Variants in ZGRF1 observed in about 807,000 individuals in gnomAD.
ZGRF1 encodes the protein zinc finger GRF-type containing 1, also known as 5'-3' DNA helicase ZGRF1.
ZGRF1 carries 196 observed loss-of-function variants against 203.5 expected under a neutral mutation model. The ratio of observed to expected loss-of-function variants is 0.96; its 90% CI spans 0.86 to 1.08. The LOEUF is 1.08. Among genes scored for constraint, ZGRF1 ranks in the 50% least tolerant of loss-of-function variants. The pLI is 0.00. For synonymous variants in ZGRF1, 809 were observed against 841.3 expected (o/e 0.96, Z 0.66); for missense variants, 2,326 against 2,416.3 (o/e 0.96, Z 0.78).
At chr4:112,634,657 A>T (rs7656417) in intron 1 of ZGRF1, among the ~76,000 whole-genome samples, 59,439 of 151,412 alleles carry the variant, frequency 0.39, 11,854 homozygotes, top group South Asian at 0.49. Context: ...CTCAAAAAAA[A>T]AAAATAAAAG....
chr4:112,559,040 T>C (rs752131586), intron 19 of ZGRF1, among the ~76,000 whole-genome samples: 1 of 152,200 alleles, frequency 6.6e-6, no homozygotes, highest in Non-Finnish European at 1.5e-5. Flanking sequence ...AAAATAACTT[T>C]TCTATATAAC....
chr4:112,556,499 T>A (rs780037841), intron 20 of ZGRF1, among the ~76,000 whole-genome samples: 1 of 152,184 alleles, frequency 6.6e-6, no homozygotes, highest in Non-Finnish European at 1.5e-5. Flanking sequence ...CAGTGATTCT[T>A]GTGCCTCAGC....
chr4:112,549,474 C>T (rs1364186734), intron 22 of ZGRF1, among the ~76,000 whole-genome samples: 1 of 152,174 alleles, frequency 6.6e-6, no homozygotes, highest in African/African-American at 2.4e-5. Context: ...TCATGTGCCA[C>T]ATAACAATGT....
chr4:112,606,567 A>AG (rs1750804135), intron 8 of ZGRF1, among the ~76,000 whole-genome samples: 2 of 152,016 alleles, frequency 1.3e-5, no homozygotes, highest in Non-Finnish European at 1.5e-5. Context: ...AGGCTGAGGC[A>AG]GAATTGCTTG....
intron 11 of ZGRF1, 147 bp downstream of exon 11, chr4:112,589,577 A>G: frequency 1.5e-6 from 1 of 672,646 alleles, no homozygotes; most frequent in Non-Finnish European, 2.6e-6. Context: ...TGATAGAAAA[A>G]GTTCAAAGGA....
intron 16 of ZGRF1, among the ~76,000 whole-genome samples, chr4:112,571,613 G>C (rs535186938): frequency 2.9e-4 from 44 of 151,850 alleles, no homozygotes; most frequent in African/African-American, 9.9e-4. Flanking sequence ...CCAAACTCCT[G>C]AGCTCAAGCT....
intron 19 of ZGRF1, among the ~76,000 whole-genome samples, chr4:112,559,361 G>A (rs1741519728): frequency 1.3e-5 from 2 of 152,046 alleles, no homozygotes; most frequent in Non-Finnish European, 2.9e-5. Context: ...TCCATGTCCA[G>A]CTAATTTTTA....
At position 112,615,759 on chromosome 4, in the gene ZGRF1, G is replaced by A. The variant is rs28404550; in HGVS notation, c.2602+1681C>T. The stretch of plus-strand genomic sequence containing the variant: ...AATGATTCTCCTGCCTCAGCCTCCC[G>A]AGTAGCTGGGATTACAGGTGCCTGC... On this transcript the variant is annotated intron_variant, in intron 6 of 27. Coordinates refer to ENST00000505019, the MANE Select transcript of ZGRF1 (RefSeq NM_018392.5). Among the ~76,000 whole-genome samples the A allele has an allele frequency of 1.0e-2, 1,505 of 150,752 alleles. 22 individuals are homozygous for A. Among genetic ancestry groups the A allele is most frequent in the African/African-American group, 0.034 (1,411 of 41,022 alleles).
intron 16 of ZGRF1, among the ~76,000 whole-genome samples, chr4:112,575,360 G>T (rs1198725296): frequency 6.6e-6 from 1 of 152,200 alleles, no homozygotes; most frequent in Non-Finnish European, 1.5e-5. Flanking sequence ...CAATGCAGAA[G>T]ACGGGTGATT....
At chr4:112,630,377 G>A (rs1371061852) in intron 3 of ZGRF1, among the ~76,000 whole-genome samples, 4 of 151,970 alleles carry the variant, frequency 2.6e-5, no homozygotes, top group Non-Finnish European at 5.9e-5. Flanking sequence ...AAGTAGCTGA[G>A]CATGGTTGCA....
intron 24 of ZGRF1, among the ~76,000 whole-genome samples, chr4:112,545,434 A>G (rs1259792051): frequency 6.6e-6 from 1 of 152,138 alleles, no homozygotes; most frequent in Non-Finnish European, 1.5e-5. Flanking sequence ...ACAATAAGAT[A>G]CCCCTTCACA....
At chr4:112,624,725 C>G (rs1180374229) in intron 3 of ZGRF1, among the ~76,000 whole-genome samples, 1 of 151,960 alleles carries the variant, frequency 6.6e-6, no homozygotes, top group Non-Finnish European at 1.5e-5. Context: ...GTCTGTAGCC[C>G]TTTTTCATAG....
At position 112,583,807 on chromosome 4, in the gene ZGRF1, T is replaced by C. The variant is rs184293254; in HGVS notation, c.4298+171A>G. On this transcript the variant is annotated intron_variant, in intron 15 of 27. Coordinates refer to ENST00000505019, the MANE Select transcript of ZGRF1 (RefSeq NM_018392.5). ...GCAACAGAGCAAGAGCTTGTAACTA[T>C]ATAATTAAAAAAAAAAAGACTTATT... is the stretch of plus-strand genomic sequence containing the variant. Among the ~76,000 whole-genome samples the C allele has an allele frequency of 1.6e-4, 24 of 151,728 alleles. No individual in the cohort carries two copies. The East Asian group carries it at 2.3e-3, about 15-fold the overall frequency.
chr4:112,616,336 A>G (rs148421875), intron 6 of ZGRF1, among the ~76,000 whole-genome samples: 4,256 of 148,072 alleles, frequency 0.029, 94 homozygotes, highest in Middle Eastern at 0.094. Context: ...CGTGGCCAAC[A>G]TGGTGAAACC....
chr4:112,619,639 C>A lies in ZGRF1; in HGVS notation c.403G>T (p.Gly135Cys), dbSNP rs766832857. The A allele has an allele frequency of 1.2e-6, 2 of 1,612,516 alleles. No homozygotes were observed. Among genetic ancestry groups the A allele is most frequent in the Admixed American group, 3.4e-5 (2 of 59,634 alleles). Residue 135 changes from glycine (G) to cysteine (C), a missense_variant, in exon 6 of 28, where the codon GGT (glycine) becomes TGT (cysteine). Coordinates refer to ENST00000505019, the MANE Select transcript of ZGRF1 (RefSeq NM_018392.5). Reference sequence around the variant, plus strand: ...GCCTCATGTGATGCAGCTGATTCACCACTTTCCATAATAACCATTTTCTTT... The same window carrying A: ...GCCTCATGTGATGCAGCTGATTCACAACTTTCCATAATAACCATTTTCTTT... ...VPKKMVIMESGESAASHEAKK... is the reference protein window; with the variant it reads ...VPKKMVIMESCESAASHEAKK...
At chr4:112,548,526 C>A in intron 22 of ZGRF1, 146 bp from the exon 23 acceptor site, 1 of 566,788 alleles carries the variant, frequency 1.8e-6, no homozygotes, top group Middle Eastern at 5.0e-4. Flanking sequence ...GTCATCGTAT[C>A]TCCAAATTTT....
intron 19 of ZGRF1, among the ~76,000 whole-genome samples, chr4:112,558,751 A>G (rs1263582945): frequency 6.6e-6 from 1 of 152,240 alleles, no homozygotes; most frequent in Non-Finnish European, 1.5e-5. Flanking sequence ...TTGAGTGTTC[A>G]CTATGTGCAA....
At chr4:112,622,464 G>C (rs1233757836) in intron 4 of ZGRF1, among the ~76,000 whole-genome samples, 1 of 145,442 alleles carries the variant, frequency 6.9e-6, no homozygotes, top group Non-Finnish European at 1.5e-5. Context: ...AGGCTGCAGT[G>C]AGCCAAGATT....
At chr4:112,543,758 A>G (rs1738180656) in intron 24 of ZGRF1, among the ~76,000 whole-genome samples, 2 of 152,250 alleles carry the variant, frequency 1.3e-5, no homozygotes, top group South Asian at 4.1e-4. Flanking sequence ...AGAAGTCTTC[A>G]CTATTTCCAC....
Sources: allele counts gnomAD v4.1 joint callset (sites outside exome capture counted in the v4.1 genomes callset), GRCh38; gene constraint gnomAD v4.1.1; transcripts MANE v1.5; gene names NCBI Gene and HGNC (gene_info 2026-07-23, HGNC 2026-07-21).